TMEM165: variants seen among roughly 807,000 people sequenced by gnomAD.
The protein encoded by TMEM165 is transmembrane protein 165, also known as putative divalent cation/proton antiporter TMEM165.
TMEM165 carries 19 observed loss-of-function variants against 30.0 expected under a neutral mutation model. The ratio of observed to expected loss-of-function variants is 0.63; its 90% confidence interval spans 0.44 to 0.93. The LOEUF (loss-of-function observed/expected upper bound fraction) is 0.93. TMEM165 is among the 40% of genes least tolerant of loss of function. The pLI is 0.00. For missense variants in TMEM165, 340 were observed against 417.0 expected (o/e 0.82, Z 1.61); for synonymous variants, 168 against 162.9 (o/e 1.03, Z -0.24).
intron 3 of TMEM165, among the ~76,000 whole-genome samples, chr4:55,451,051 AG>A (rs1459753222): frequency 5.9e-5 from 9 of 151,306 alleles, no homozygotes; most frequent in Admixed American, 4.6e-4. Flanking sequence ...AAAAAAAAAA[AG>A]GCAAAAAATT....
Position 55,420,127 on chromosome 4 carries a change from A to ATATT in TMEM165, c.792+2160_792+2163dup, listed in dbSNP as rs1330371198. ...AAAAAATATATATATATATACATAT[A>ATATT]TATTTATTTATTTATTTATTTTATT... On this transcript the variant is annotated intron_variant, in intron 4 of 5. Transcript: ENST00000381334. Among the ~76,000 whole-genome samples, 6 of 46,774 alleles carry ATATT rather than the reference A, an allele frequency of 1.3e-4. 2 individuals are homozygous for ATATT. The highest frequency in any genetic ancestry group is 2.7e-4 in the Non-Finnish European group (6 of 21,976). The allele number at this position is 46,774 out of a possible 152,430, so 30.7% of individuals were successfully genotyped here. A position where few individuals can be genotyped will look rare whatever the true frequency, so the allele number is the denominator to read the frequency against.
At chr4:55,450,372 A>C in intron 3 of TMEM165, 1 of 899,766 alleles carries the variant, frequency 1.1e-6, no homozygotes, top group Non-Finnish European at 1.8e-6. Flanking sequence ...ACACATGTAA[A>C]GAAATGAAAA....
rs201972116 is a variant in TMEM165 at position 55,404,045 on chromosome 4, C to CTT, written c.208-7553_208-7552dup. On this transcript the variant is annotated intron_variant, in intron 1 of 5. Coordinates refer to ENST00000381334, the MANE Select transcript of TMEM165 (RefSeq NM_018475.5). ...CCTTCCTTCCTTCCTTCTTTCTTTC[C>CTT]TTTTTTTTTTTTTTTTTGACAGTGT... 2.7e-3 allele frequency among the ~76,000 whole-genome samples: 335 copies of CTT among 121,932 alleles called. 3 individuals carry two copies. The highest frequency in any genetic ancestry group is 9.1e-3 in the African/African-American group (321 of 35,240). 80.0% of individuals were successfully genotyped at this position (121,932 alleles called of 152,430 possible). A position where few individuals can be genotyped will look rare whatever the true frequency, so the allele number is the denominator to read the frequency against.
intron 3 of TMEM165, among the ~76,000 whole-genome samples, chr4:55,449,802 T>C (rs1724256866): frequency 7.3e-6 from 1 of 137,334 alleles, no homozygotes; most frequent in Non-Finnish European, 1.6e-5. Flanking sequence ...GAACACTTAC[T>C]GGCCCTACAG....
chr4:55,450,314 A>G, intron 3 of TMEM165: 1 of 1,564,886 alleles, frequency 6.4e-7, no homozygotes. Flanking sequence ...ACAACAACAA[A>G]AAAATCAGTT....
At chr4:55,448,601 C>CGCGCGCGTGTGTGT (rs764071880) in intron 3 of TMEM165, among the ~76,000 whole-genome samples, 2 of 117,038 alleles carry the variant, frequency 1.7e-5, no homozygotes, top group Non-Finnish European at 1.8e-5. Context: ...CGCACGCGCG[C>CGCGCGCGTGTGTGT]GTGTGTGTGT....
chr4:55,417,019 C>A, intron 2 of TMEM165, 53 bp from the exon 3 acceptor site: 1 of 1,441,130 alleles, frequency 6.9e-7, no homozygotes, highest in Non-Finnish European at 9.3e-7. Flanking sequence ...TTAACTGTTC[C>A]CTTGGTCGTG....
chr4:55,435,696 A>C lies in TMEM165; in HGVS notation c.408+11053A>C. 10 of 1,152,246 alleles carry C rather than the reference A, an allele frequency of 8.7e-6. No homozygotes were observed. In the South Asian group the frequency reaches 1.3e-4, roughly 15 times the overall value. The allele number at this position is 1,152,246 out of a possible 1,614,324, so 71.4% of individuals were successfully genotyped here. On this transcript the variant is annotated intron_variant, in intron 3 of 3. Transcript: ENST00000608091. ...CTGTCCATAGGGACAAAATCCTTAA[A>C]ATTCTACATAATGCATATCACTTTC...
intron 3 of TMEM165, chr4:55,450,112 T>C (rs766723314): frequency 1.2e-6 from 2 of 1,613,956 alleles, no homozygotes; most frequent in African/African-American, 1.3e-5. Context: ...GAGACGGCCG[T>C]GTGAGATGAT....
chr4:55,396,362 T>C lies in TMEM165; in HGVS notation c.173T>C (p.Val58Ala). ...GCCCAGCAGCTGCAGCCGCAGCCTG[T>C]GGCTGTGCAGGGCCCCGAGCCGGCC... ...APAQQLQPQP[V>A]AVQGPEPARV... The change falls in exon 1 of 6, where the codon GTG becomes GCG. Residue 58 changes from valine (V) to alanine (A), a missense_variant. Val to Ala is a moderately conservative substitution (Grantham distance 64). Coordinates refer to ENST00000381334, the MANE Select transcript of TMEM165 (RefSeq NM_018475.5). The C allele has an allele frequency of 1.3e-6, 2 of 1,508,378 alleles. No homozygotes were observed. The highest frequency in any genetic ancestry group is 1.8e-6 in the Non-Finnish European group (2 of 1,133,640). The allele number at this position is 1,508,378 out of a possible 1,614,324, so 93.4% of individuals were successfully genotyped here.
At chr4:55,403,242 C>A in intron 1 of TMEM165, 14 of 1,287,990 alleles carry the variant, frequency 1.1e-5, no homozygotes, top group Non-Finnish European at 1.3e-5. Flanking sequence ...GCAGGGACAT[C>A]AGTTTTTTTC....
chr4:55,432,806 G>C (rs532551524), intron 3 of TMEM165: 1 of 152,118 alleles, frequency 6.6e-6, no homozygotes, highest in Non-Finnish European at 1.5e-5. Context: ...GATGAGCTGC[G>C]AAGAACAGTA....
intron 1 of TMEM165, among the ~76,000 whole-genome samples, chr4:55,405,363 G>A (rs933050593): frequency 6.6e-6 from 1 of 152,158 alleles, no homozygotes; most frequent in African/African-American, 2.4e-5. Context: ...GTTTCCAAGA[G>A]CCTATTGAGG....
At chr4:55,408,607 G>A (rs894439495) in intron 1 of TMEM165, among the ~76,000 whole-genome samples, 6 of 152,164 alleles carry the variant, frequency 3.9e-5, no homozygotes, top group East Asian at 1.9e-4. Flanking sequence ...TTGTCATCAT[G>A]TGGTGCATGT....
At chr4:55,401,092 C>T (rs1398239559) in intron 1 of TMEM165, among the ~76,000 whole-genome samples, 1 of 149,486 alleles carries the variant, frequency 6.7e-6, no homozygotes, top group Non-Finnish European at 1.5e-5. Context: ...GGTTAGTAGG[C>T]ATTCAAGTGG....
chr4:55,402,794 G>GTTTTTTTTTTT (rs1491276185), intron 1 of TMEM165, among the ~76,000 whole-genome samples: 1 of 52,520 alleles, frequency 1.9e-5, no homozygotes, highest in Non-Finnish European at 3.5e-5. Context: ...TTTAAAAAAA[G>GTTTTTTTTTTT]CTTTTTTTTT....
rs1220590008 is a variant in TMEM165, at chr4:55,396,246, C to T, written c.57C>T (p.Leu19=). The T allele has an allele frequency of 1.3e-6, 2 of 1,504,378 alleles. No homozygotes were observed. The highest frequency in any genetic ancestry group is 5.6e-5 in the East Asian group (2 of 35,440). 93.2% of individuals were successfully genotyped at this position (1,504,378 alleles called of 1,614,324 possible). The change falls in exon 1 of 6, where the codon CTC becomes CTT. Residue 19 remains leucine, a synonymous_variant. Transcript: ENST00000381334. ...CATCGGCGCCCCGGCTGCTTCTGCT[C>T]TTTCTGGTTCCGCTGCTGTGGGCCC... ...GRASAPRLLL[L]FLVPLLWAPA...
intron 3 of TMEM165, among the ~76,000 whole-genome samples, chr4:55,451,946 A>G (rs1312538616): frequency 6.6e-6 from 1 of 152,188 alleles, no homozygotes; most frequent in East Asian, 1.9e-4. Flanking sequence ...GAATGACTGA[A>G]TGACATCTAC....
chr4:55,440,604 TA>T (rs762766416), intron 3 of TMEM165, among the ~76,000 whole-genome samples: 2 of 152,180 alleles, frequency 1.3e-5, no homozygotes, highest in Non-Finnish European at 2.9e-5. Flanking sequence ...AAAAAAGAAT[TA>T]AAATTGTCCA....
Sources: gnomAD v4.1 joint callset for allele counts (sites outside exome capture counted in the v4.1 genomes callset) on GRCh38, gnomAD v4.1.1 for gene constraint, MANE v1.5 for transcripts, NCBI Gene and HGNC (gene_info 2026-07-23, HGNC 2026-07-21) for gene names.